The following CDKL1 variants were observed in gnomAD, a reference collection of about 807,000 sequenced individuals.
CDKL1 encodes the protein cyclin dependent kinase like 1, also known as cyclin-dependent kinase-like 1.
In CDKL1, 41 loss-of-function variants were observed where a neutral mutation model predicts 42.0. The observed-to-expected ratio is 0.98, with a 90% CI of 0.76 to 1.27. The LOEUF (loss-of-function observed/expected upper bound fraction) is 1.27, where lower values mean the gene tolerates loss of function less well. CDKL1 is among the 50% of genes most tolerant of loss of function. The pLI is 0.00. For synonymous variants in CDKL1, 153 were observed against 158.6 expected (o/e 0.96, Z 0.26); for missense variants, 394 against 428.4 (o/e 0.92, Z 0.71).
chr14:50,339,090 T>A, intron 6 of CDKL1, 61 bp from the exon 7 acceptor site: 1 of 1,118,106 alleles, frequency 8.9e-7, no homozygotes, highest in Non-Finnish European at 1.4e-6. Context: ...TCTATGGTTT[T>A]CTTCCATCAA....
chr14:50,362,678 T>C (rs2034302877), intron 2 of CDKL1, among the ~76,000 whole-genome samples: 2 of 152,184 alleles, frequency 1.3e-5, no homozygotes, highest in South Asian at 4.1e-4. Context: ...GTCCACACTC[T>C]GTATCTGGCT....
chr14:50,385,286 A>G (rs976758560), intron 2 of CDKL1, among the ~76,000 whole-genome samples: 2 of 152,114 alleles, frequency 1.3e-5, no homozygotes, highest in African/African-American at 4.8e-5. Context: ...GACATCATAC[A>G]CTTACTGATG....
intron 7 of CDKL1, among the ~76,000 whole-genome samples, chr14:50,337,800 C>A (rs1370963317): frequency 1.3e-5 from 2 of 151,610 alleles, no homozygotes; most frequent in Admixed American, 1.3e-4. Flanking sequence ...CTCACCTCAG[C>A]CTCCTGAGTA....
chr14:50,350,073 T>C (rs1050200945), intron 3 of CDKL1, among the ~76,000 whole-genome samples: 2 of 152,024 alleles, frequency 1.3e-5, no homozygotes, highest in Non-Finnish European at 2.9e-5. Context: ...GCCACCGTGC[T>C]TGGCCAATAC....
chr14:50,377,864 A>G, intron 2 of CDKL1: 2 of 542,484 alleles, frequency 3.7e-6, no homozygotes, highest in South Asian at 4.6e-5. Context: ...ACGAACAGTC[A>G]TCTGTGGGAG....
chr14:50,335,295 CAAAAAAAAAAAAAAA>C (rs55777134), intron 7 of CDKL1, among the ~76,000 whole-genome samples: 1 of 54,300 alleles, frequency 1.8e-5, no homozygotes. Flanking sequence ...GACCCTGTCT[CAAAAAAAAAAAAAAA>C]AAAAAAAAAA....
chr14:50,342,316 C>A (rs1254680056), intron 4 of CDKL1, 94 bp from the exon 5 acceptor site: 8 of 1,475,336 alleles, frequency 5.4e-6, no homozygotes, highest in African/African-American at 1.4e-5. Context: ...TTGGATAAAT[C>A]ATTTAAATCT....
chr14:50,371,219 G>A (rs1189955454), intron 2 of CDKL1, among the ~76,000 whole-genome samples: 1 of 152,196 alleles, frequency 6.6e-6, no homozygotes, highest in Non-Finnish European at 1.5e-5. Context: ...GAACATAGGA[G>A]GGCAGACATT....
At chr14:50,335,320 A>AT in intron 7 of CDKL1, 2 of 426,078 alleles carry the variant, frequency 4.7e-6, no homozygotes, top group Non-Finnish European at 8.1e-6. Flanking sequence ...AAAAAAAAAA[A>AT]GGCAGCTCTA....
At chr14:50,336,193 C>G in intron 7 of CDKL1, 1 of 1,356,088 alleles carries the variant, frequency 7.4e-7, no homozygotes, top group Non-Finnish European at 9.8e-7. Flanking sequence ...AGGCCTCCCT[C>G]TGTCAGGGTT....
At chr14:50,341,607 C>G (rs1246586522) in intron 5 of CDKL1, among the ~76,000 whole-genome samples, 6 of 151,746 alleles carry the variant, frequency 4.0e-5, no homozygotes, top group African/African-American at 1.5e-4. Context: ...GGTGAAACCC[C>G]GTCTCTACAA....
At chr14:50,358,493 A>G (rs947023550) in intron 3 of CDKL1, among the ~76,000 whole-genome samples, 3 of 151,132 alleles carry the variant, frequency 2.0e-5, no homozygotes, top group African/African-American at 7.3e-5. Flanking sequence ...CAAAGAAATC[A>G]AGTTCAATCT....
chr14:50,397,263 G>T (rs754583136), upstream of CDKL1: 1 of 1,366,438 alleles, frequency 7.3e-7, no homozygotes, highest in African/African-American at 1.5e-5. Context: ...GGCATCTTCT[G>T]TGTCTGTGCT....
chr14:50,392,114 A>C (rs1158194160), intron 2 of CDKL1, among the ~76,000 whole-genome samples: 2 of 152,194 alleles, frequency 1.3e-5, no homozygotes, highest in African/African-American at 4.8e-5. Flanking sequence ...GACACAGAGC[A>C]TCCCCTCACT....
chr14:50,334,920 G>GTT (rs11445321), intron 7 of CDKL1: 6,055 of 188,796 alleles, frequency 0.032, 4 homozygotes, highest in East Asian at 0.055. Flanking sequence ...TTTCTGAGCA[G>GTT]TTTTTTTTTT....
At chr14:50,382,272 G>A (rs2034931624) in intron 2 of CDKL1, among the ~76,000 whole-genome samples, 1 of 152,068 alleles carries the variant, frequency 6.6e-6, no homozygotes, top group Admixed American at 6.5e-5. Flanking sequence ...CTAACGCGGT[G>A]GAACCCCGTC....
At chr14:50,395,561 G>A (rs1038191154) in intron 2 of CDKL1, 140 bp downstream of exon 2, 2 of 620,560 alleles carry the variant, frequency 3.2e-6, no homozygotes, top group African/African-American at 3.7e-5. Context: ...CAGCTACTCA[G>A]GAGGCTGAGG....
intron 3 of CDKL1, among the ~76,000 whole-genome samples, chr14:50,354,764 G>A (rs974093387): frequency 6.6e-6 from 1 of 152,174 alleles, no homozygotes; most frequent in Non-Finnish European, 1.5e-5. Flanking sequence ...TTCTCCAAAA[G>A]CTTTCCAAGG....
chr14:50,346,652 G>GTTTTT lies in CDKL1; in HGVS notation c.291-1599_291-1595dup, dbSNP rs796264788. Among the ~76,000 whole-genome samples the GTTTTT allele has an allele frequency of 2.2e-4, 31 of 142,064 alleles. 1 individual carries two copies. Among genetic ancestry groups the GTTTTT allele is most frequent in the East Asian group, 4.2e-4 (2 of 4,750 alleles). 93.2% of individuals were successfully genotyped at this position (142,064 alleles called of 152,430 possible). A position where few individuals can be genotyped will look rare whatever the true frequency, so the allele number is the denominator to read the frequency against. On this transcript the variant is annotated intron_variant, in intron 3 of 9. Transcript: ENST00000395834. ...GATTATTCAATAAATTAAATTTTTG[G>GTTTTT]TTTTTTTTTTTTTTTTGAGATGGAG...
Sources: allele counts gnomAD v4.1 joint callset (sites outside exome capture counted in the v4.1 genomes callset), GRCh38; gene constraint gnomAD v4.1.1; transcripts MANE v1.5; gene names NCBI Gene and HGNC (gene_info 2026-07-23, HGNC 2026-07-21).